CCDC25: variants seen among roughly 807,000 people sequenced by gnomAD.
CCDC25 encodes coiled-coil domain containing 25, also known as coiled-coil domain-containing protein 25.
Under a neutral mutation model 35.3 loss-of-function variants are expected in CCDC25, and 16 were observed. The observed-to-expected ratio is 0.45, with a 90% CI of 0.31 to 0.69. CCDC25 has a LOEUF of 0.69. Ranked by LOEUF, CCDC25 falls within the 30% of genes least tolerant of loss-of-function variation. CCDC25 has a pLI of 0.06. For synonymous variants in CCDC25, 79 were observed against 80.3 expected (o/e 0.98, Z 0.09); for missense variants, 179 against 250.7 (o/e 0.71, Z 1.93).
intron 3 of CCDC25, among the ~76,000 whole-genome samples, chr8:27,757,009 A>T (rs1804030091): frequency 6.6e-6 from 1 of 152,182 alleles, no homozygotes; most frequent in South Asian, 2.1e-4. Flanking sequence ...TAGAGATACT[A>T]AATATTAACT....
intron 3 of CCDC25, among the ~76,000 whole-genome samples, chr8:27,760,439 C>A (rs1804185406): frequency 6.6e-6 from 1 of 152,158 alleles, no homozygotes; most frequent in Admixed American, 6.5e-5. Context: ...TTAAAAACAA[C>A]TGAAAATCAT....
intron 1 of CCDC25, among the ~76,000 whole-genome samples, chr8:27,770,740 C>CAAAAA (rs10706627): frequency 7.9e-6 from 1 of 126,716 alleles, no homozygotes; most frequent in Non-Finnish European, 1.7e-5. Context: ...ACTCCGTCTC[C>CAAAAA]AAAAAAAAAA....
rs1213456494 is a variant in CCDC25, at chr8:27,734,810, CGAATACATCTGAGATGTATCAA to C, written c.*1384_*1405del. ...TGGAAGTATGGAAGGAGCACAGCTA[CGAATACATCTGAGATGTATCAA>C]GAATACATCTGAGAAAGGACATCCC... On this transcript the variant is annotated 3_prime_UTR_variant, in exon 9 of 9. Coordinates refer to ENST00000356537, the MANE Select transcript of CCDC25 (RefSeq NM_018246.3). The C allele has an allele frequency of 1.2e-4, 19 of 152,162 alleles. No individual in the cohort carries two copies. The highest frequency in any genetic ancestry group is 2.4e-4 in the Non-Finnish European group (16 of 68,044). 9.4% of individuals were successfully genotyped at this position (152,162 alleles called of 1,614,324 possible). A position where few individuals can be genotyped will look rare whatever the true frequency, so the allele number is the denominator to read the frequency against.
At chr8:27,764,525 C>T (rs769950324) in intron 2 of CCDC25, 3 of 343,538 alleles carry the variant, frequency 8.7e-6, no homozygotes, top group South Asian at 4.3e-5. Context: ...GTGATCCTCT[C>T]GCCTCAGCCT....
intron 3 of CCDC25, among the ~76,000 whole-genome samples, chr8:27,761,687 G>A (rs1002354166): frequency 6.6e-6 from 1 of 152,136 alleles, no homozygotes; most frequent in African/African-American, 2.4e-5. Flanking sequence ...TGAAGAAAAC[G>A]AAAGTAGACT....
chr8:27,746,634 C>T (rs990345104), intron 7 of CCDC25, among the ~76,000 whole-genome samples: 11 of 152,192 alleles, frequency 7.2e-5, no homozygotes, highest in Non-Finnish European at 1.6e-4. Context: ...TTTTACCTCA[C>T]TGATGGAGTT....
At chr8:27,756,843 G>A (rs867711178) in intron 3 of CCDC25, 73 bp from the exon 4 acceptor site, 214 of 1,075,580 alleles carry the variant, frequency 2.0e-4, no homozygotes, top group Middle Eastern at 9.9e-4. Context: ...GCCATTTAAA[G>A]CATTCTGTTC....
intron 7 of CCDC25, among the ~76,000 whole-genome samples, chr8:27,742,645 A>T (rs988807754): frequency 6.6e-6 from 1 of 152,236 alleles, no homozygotes; most frequent in African/African-American, 2.4e-5. Flanking sequence ...CAGGCGGATC[A>T]CTTGAGGTCA....
chr8:27,740,058 A>C (rs1803382638), intron 8 of CCDC25, among the ~76,000 whole-genome samples: 1 of 152,248 alleles, frequency 6.6e-6, no homozygotes, highest in South Asian at 2.1e-4. Context: ...TCTTAGGGTA[A>C]GTTATTTTAA....
intron 2 of CCDC25, chr8:27,764,499 G>A (rs761888398): frequency 1.3e-5 from 5 of 372,744 alleles, no homozygotes; most frequent in African/African-American, 2.2e-5. Flanking sequence ...GGCAGGTCTC[G>A]AACTCCTGGG....
intron 1 of CCDC25, among the ~76,000 whole-genome samples, chr8:27,768,527 T>C (rs1418669502): frequency 7.1e-6 from 1 of 140,968 alleles, no homozygotes; most frequent in East Asian, 2.1e-4. Context: ...ATCATGCCAC[T>C]GCACTCCAGC....
intron 4 of CCDC25, chr8:27,754,453 A>T (rs533378836): frequency 6.6e-6 from 1 of 152,432 alleles, no homozygotes; most frequent in South Asian, 2.1e-4. Flanking sequence ...GGTGGGGAAA[A>T]AAAGTAGCTT....
At chr8:27,747,620 G>A (rs1241765741) in intron 7 of CCDC25, 1 of 160,364 alleles carries the variant, frequency 6.2e-6, no homozygotes, top group Non-Finnish European at 1.4e-5. Context: ...GTGCTTTGAA[G>A]CAGACCTCAC....
intron 7 of CCDC25, chr8:27,747,675 C>T (rs1054583718): frequency 1.1e-5 from 2 of 181,474 alleles, no homozygotes; most frequent in African/African-American, 4.8e-5. Flanking sequence ...GTTTTAAAAA[C>T]AGCTTTGAGA....
At chr8:27,739,919 T>C (rs1410544665) in intron 8 of CCDC25, among the ~76,000 whole-genome samples, 1 of 152,156 alleles carries the variant, frequency 6.6e-6, no homozygotes, top group Non-Finnish European at 1.5e-5. Context: ...TCCAATCAAA[T>C]AATTAGACGC....
intron 7 of CCDC25, among the ~76,000 whole-genome samples, chr8:27,744,538 G>A (rs751685483): frequency 6.6e-6 from 1 of 152,138 alleles, no homozygotes; most frequent in Non-Finnish European, 1.5e-5. Flanking sequence ...TTAGTTACTG[G>A]TCTCACCATT....
At chr8:27,769,119 C>CTA (rs1471876834) in intron 1 of CCDC25, among the ~76,000 whole-genome samples, 1 of 152,148 alleles carries the variant, frequency 6.6e-6, no homozygotes, top group Non-Finnish European at 1.5e-5. Context: ...CCTGAAGATT[C>CTA]TATATATTTG....
rs751624701 is a variant in CCDC25, at chr8:27,748,582, G to A, written c.261C>T (p.Asn87=). ...ACCACGGCGTATATACCACATTAAC[G>A]TTGTTCATCTTGCAGCCTGCCAAGA... ...ANSIQGCKMN[N]VNVVYTPWSN... The change falls in exon 6 of 9, where the codon AAC becomes AAT. Residue 87 remains asparagine, a synonymous_variant. Transcript: ENST00000356537. The A allele has an allele frequency of 3.7e-6, 6 of 1,613,374 alleles. No individual in the cohort carries two copies. The highest frequency in any genetic ancestry group is 1.7e-5 in the Admixed American group (1 of 60,014).
At position 27,767,004 on chromosome 8, in the gene CCDC25, AAC is replaced by A. The variant is rs527598926; in HGVS notation, c.29-1755_29-1754del. ...TATGGAAGCATAAACATTTTTTAAC[AAC>A]AGTTACCTTGGTTAGCCTGCTATAA... On this transcript the variant is annotated intron_variant, in intron 1 of 8. Coordinates refer to ENST00000356537, the MANE Select transcript of CCDC25 (RefSeq NM_018246.3). Among the ~76,000 whole-genome samples the A allele has an allele frequency of 2.7e-3, 414 of 152,332 alleles. 3 individuals carry two copies. The highest frequency in any genetic ancestry group is 4.7e-3 in the Non-Finnish European group (323 of 68,030).
Sources: allele counts gnomAD v4.1 joint callset (sites outside exome capture counted in the v4.1 genomes callset), GRCh38; gene constraint gnomAD v4.1.1; transcripts MANE v1.5; gene names NCBI Gene and HGNC (gene_info 2026-07-23, HGNC 2026-07-21).